MAD1L1: variants seen among roughly 807,000 people sequenced by gnomAD.
MAD1L1 encodes the protein mitotic spindle assembly checkpoint protein MAD1.
A neutral mutation model predicts 96.9 loss-of-function variants in MAD1L1; 95 were observed. The observed-to-expected ratio is 0.98, with a 90% confidence interval of 0.83 to 1.16. MAD1L1 has a LOEUF of 1.16. Ranked by LOEUF, MAD1L1 falls within the 50% of genes most tolerant of loss-of-function variation. MAD1L1 has a pLI of 0.00. For synonymous variants in MAD1L1, 473 were observed against 396.6 expected (o/e 1.19, Z -2.29); for missense variants, 1,007 against 954.4 (o/e 1.06, Z -0.73).
chr7:2,017,518 G>A (rs1365084774), intron 12 of MAD1L1, among the ~76,000 whole-genome samples: 1 of 152,212 alleles, frequency 6.6e-6, no homozygotes, highest in Non-Finnish European at 1.5e-5. Flanking sequence ...AGCAGTAGAG[G>A]GCGGCTCTGC....
chr7:1,870,611 G>A (rs369751695), intron 18 of MAD1L1, among the ~76,000 whole-genome samples: 1,612 of 121,264 alleles, frequency 0.013, 12 homozygotes, highest in African/African-American at 0.048. Context: ...CACCTGCCAC[G>A]CTGAACCCAA....
At chr7:1,915,635 C>T (rs750331225) in intron 17 of MAD1L1, among the ~76,000 whole-genome samples, 7 of 152,318 alleles carry the variant, frequency 4.6e-5, no homozygotes, top group Non-Finnish European at 5.9e-5. Context: ...AATGTGTCGC[C>T]GGCACAGAAG....
intron 18 of MAD1L1, among the ~76,000 whole-genome samples, chr7:1,840,909 G>A (rs1347781104): frequency 6.6e-6 from 1 of 152,214 alleles, no homozygotes; most frequent in Non-Finnish European, 1.5e-5. Flanking sequence ...CCGTGCAGAC[G>A]GCGAGAGGCC....
intron 18 of MAD1L1, among the ~76,000 whole-genome samples, chr7:1,896,927 T>C (rs1470289367): frequency 2.0e-5 from 3 of 152,386 alleles, no homozygotes; most frequent in African/African-American, 7.2e-5. Flanking sequence ...CCTCTGTGAA[T>C]TATTCAAAGT....
intron 10 of MAD1L1, among the ~76,000 whole-genome samples, chr7:2,166,301 T>C (rs1790424439): frequency 1.3e-5 from 2 of 152,130 alleles, no homozygotes; most frequent in Admixed American, 1.3e-4. Flanking sequence ...CCCAGACACA[T>C]GTAAATAAAA....
At chr7:1,851,546 C>A (rs1027460980) in intron 18 of MAD1L1, among the ~76,000 whole-genome samples, 4 of 152,172 alleles carry the variant, frequency 2.6e-5, no homozygotes. Context: ...GACAGCACGG[C>A]TAGTCTGAAA....
At chr7:2,074,623 G>A (rs968120766) in intron 11 of MAD1L1, among the ~76,000 whole-genome samples, 1 of 152,270 alleles carries the variant, frequency 6.6e-6, no homozygotes. Flanking sequence ...CCACTTGCCT[G>A]CAGGCTGACC....
intron 13 of MAD1L1, among the ~76,000 whole-genome samples, chr7:2,005,143 A>C (rs1328477283): frequency 2.0e-5 from 3 of 152,202 alleles, no homozygotes; most frequent in Non-Finnish European, 4.4e-5. Context: ...TCAAGAAGGC[A>C]GACATCGACG....
intron 18 of MAD1L1, chr7:1,847,362 C>A (rs538707334): frequency 2.1e-6 from 1 of 470,898 alleles, no homozygotes; most frequent in African/African-American, 2.0e-5. Context: ...TACCACGGGG[C>A]GGACCAGGGT....
chr7:2,215,848 G>A lies in MAD1L1; in HGVS notation c.924+37C>T, dbSNP rs572843073. 2.5e-6 allele frequency: 4 copies of A among 1,589,188 alleles called. No homozygotes were observed. The East Asian group carries it at 8.9e-5, about 36-fold the overall frequency. On this transcript the variant is annotated intron_variant, in intron 9 of 18. Coordinates refer to ENST00000265854, the MANE Select transcript of MAD1L1 (RefSeq NM_001013836.2). ...CGAGGCTCCTCCAGGCAGGGCAGAG[G>A]ACACCCACAGGAACCGCACACCACA...
At chr7:2,195,597 T>C (rs760097951) in intron 10 of MAD1L1, among the ~76,000 whole-genome samples, 1 of 152,242 alleles carries the variant, frequency 6.6e-6, no homozygotes, top group Non-Finnish European at 1.5e-5. Context: ...TTTGATTCCA[T>C]GAAACTGAAG....
intron 17 of MAD1L1, among the ~76,000 whole-genome samples, chr7:1,899,019 C>T (rs34922657): frequency 0.3 from 45,286 of 152,062 alleles, 8,026 homozygotes; most frequent in East Asian, 0.45. Context: ...CCTACTGCCC[C>T]GGGGCTTTAC....
intron 16 of MAD1L1, among the ~76,000 whole-genome samples, chr7:1,945,723 C>A (rs1261067478): frequency 4.6e-5 from 7 of 152,230 alleles, no homozygotes; most frequent in African/African-American, 1.7e-4. Flanking sequence ...ACTCACGCGA[C>A]CCCTCAGAGG....
At chr7:2,197,457 ACTC>A (rs1792050366) in intron 10 of MAD1L1, among the ~76,000 whole-genome samples, 2 of 150,910 alleles carry the variant, frequency 1.3e-5, no homozygotes, top group African/African-American at 4.9e-5. Flanking sequence ...GCCTCTCCTC[ACTC>A]CTCCTCTCAT....
intron 10 of MAD1L1, among the ~76,000 whole-genome samples, chr7:2,207,449 A>T (rs1393478857): frequency 6.6e-6 from 1 of 152,170 alleles, no homozygotes; most frequent in East Asian, 1.9e-4. Flanking sequence ...GAGGGGCCGA[A>T]GGGTGAGTTG....
rs1259785216 is a variant in MAD1L1 at position 1,884,742 on chromosome 7, C to T, written c.1998+13458G>A. ...GACTGTGTGGAGCGGACCACGCCTGCGCCCTGAGGCCCCCAGCCCAGGCCT... is the reference window on the plus strand; with the variant it reads ...GACTGTGTGGAGCGGACCACGCCTGTGCCCTGAGGCCCCCAGCCCAGGCCT... On this transcript the variant is annotated intron_variant, in intron 18 of 18. Transcript: ENST00000265854. Among the ~76,000 whole-genome samples the T allele has an allele frequency of 2.0e-5, 3 of 152,176 alleles. No individual in the cohort carries two copies. The East Asian group carries it at 5.8e-4, about 29-fold the overall frequency.
At chr7:1,950,088 A>AT in intron 16 of MAD1L1, among the ~76,000 whole-genome samples, 1 of 152,210 alleles carries the variant, frequency 6.6e-6, no homozygotes, top group Non-Finnish European at 1.5e-5. Context: ...GACGATCTCT[A>AT]GACAAAGGAC....
At chr7:2,062,282 A>G (rs1471995997) in intron 12 of MAD1L1, among the ~76,000 whole-genome samples, 4 of 139,732 alleles carry the variant, frequency 2.9e-5, no homozygotes, top group East Asian at 2.2e-4. Context: ...AAAAACAGGG[A>G]ATTGAAGGCC....
chr7:1,928,812 G>C (rs1465311294), intron 17 of MAD1L1, among the ~76,000 whole-genome samples: 1 of 152,178 alleles, frequency 6.6e-6, no homozygotes, highest in Non-Finnish European at 1.5e-5. Flanking sequence ...TCTGGCCGTG[G>C]GAGGGCACAG....
Sources: allele counts gnomAD v4.1 joint callset (sites outside exome capture counted in the v4.1 genomes callset), GRCh38; gene constraint gnomAD v4.1.1; transcripts MANE v1.5; gene names NCBI Gene and HGNC (gene_info 2026-07-23, HGNC 2026-07-21).